NLGN4Y: variants seen among roughly 807,000 people sequenced by gnomAD.
The protein encoded by NLGN4Y is neuroligin 4 Y-linked.
A neutral mutation model predicts 8.4 loss-of-function variants in NLGN4Y; 4 were observed. That is an observed-to-expected ratio of 0.48 (90% CI 0.23 to 1.09). The LOEUF is 1.09. Ranked by LOEUF, NLGN4Y falls within the 50% of genes least tolerant of loss-of-function variation. The pLI is 0.19. For missense variants in NLGN4Y, 90 were observed against 192.3 expected (o/e 0.47, Z 3.15); for synonymous variants, 35 against 75.6 (o/e 0.46, Z 2.78).
rs756819982 is a variant in NLGN4Y, at chrY:14,681,789, C to A, written c.473-37670C>A. 9.2e-5 allele frequency among the ~76,000 whole-genome samples: 3 copies of A among 32,522 alleles called. No homozygotes were observed. The South Asian group carries it at 2.1e-3, about 23-fold the overall frequency. 87.3% of individuals were successfully genotyped at this position (32,522 alleles called of 37,273 possible). On this transcript the variant is annotated intron_variant, in intron 2 of 6. Coordinates refer to ENST00000684976, the MANE Select transcript of NLGN4Y (RefSeq NM_001365588.1). ...TTGTCCTTTCTTCTCCCATTTCAAC[C>A]AACCTGGCAGGGATTGACCTCAGTA...
chrY:14,789,381 C>G, intron 4 of NLGN4Y, among the ~76,000 whole-genome samples: 4 of 32,661 alleles, frequency 1.2e-4, no homozygotes, highest in African/African-American at 2.4e-4. Flanking sequence ...AATAATTTGT[C>G]TATTTATTTT....
At chrY:14,802,726 A>T in intron 4 of NLGN4Y, among the ~76,000 whole-genome samples, 2 of 23,096 alleles carry the variant, frequency 8.7e-5, no homozygotes, top group African/African-American at 1.7e-4. Flanking sequence ...TTTAAATATA[A>T]ATTATATATG....
chrY:14,825,500 T>G (rs2043141129), intron 5 of NLGN4Y, among the ~76,000 whole-genome samples: 1 of 29,975 alleles, frequency 3.3e-5, no homozygotes, highest in Non-Finnish European at 8.0e-5. Flanking sequence ...CCCTTCACAC[T>G]CTGTCTCTCT....
chrY:14,656,527 C>T, intron 2 of NLGN4Y, among the ~76,000 whole-genome samples: 5 of 28,634 alleles, frequency 1.7e-4, no homozygotes, highest in African/African-American at 2.8e-4. Flanking sequence ...TCTGAGTTTG[C>T]AGTGCCCCGA....
At chrY:14,599,075 A>C (rs2150497312) in intron 1 of NLGN4Y, among the ~76,000 whole-genome samples, 1 of 27,956 alleles carries the variant, frequency 3.6e-5, no homozygotes, top group East Asian at 8.7e-4. Context: ...GAATATAACA[A>C]AATATATATT....
intron 2 of NLGN4Y, chrY:14,639,120 C>T (rs113043120): frequency 0.13 from 11,659 of 90,434 alleles, no homozygotes; most frequent in Non-Finnish European, 0.21. Context: ...TAAAACACTT[C>T]GAAATCATTG....
At chrY:14,795,792 G>A (rs2043005547) in intron 4 of NLGN4Y, among the ~76,000 whole-genome samples, 1 of 32,482 alleles carries the variant, frequency 3.1e-5, no homozygotes, top group Non-Finnish European at 7.5e-5. Context: ...TTTTTCATTT[G>A]TCTGTTGTCT....
chrY:14,738,109 C>T (rs920203275), intron 4 of NLGN4Y, among the ~76,000 whole-genome samples: 1 of 32,361 alleles, frequency 3.1e-5, no homozygotes, highest in Non-Finnish European at 7.6e-5. Context: ...ATTTATGAAA[C>T]TTTAGGAAAA....
chrY:14,637,811 G>A, intron 2 of NLGN4Y, among the ~76,000 whole-genome samples: 1 of 29,415 alleles, frequency 3.4e-5, no homozygotes, highest in African/African-American at 1.3e-4. Flanking sequence ...AAGCTAATTG[G>A]TTTATAGTTT....
chrY:14,731,475 T>G, intron 4 of NLGN4Y, among the ~76,000 whole-genome samples: 1 of 33,097 alleles, frequency 3.0e-5, no homozygotes, highest in Non-Finnish European at 7.4e-5. Flanking sequence ...CTTTTTGACG[T>G]TTTTCAAAAT....
intron 6 of NLGN4Y, among the ~76,000 whole-genome samples, chrY:14,836,272 G>A: frequency 3.4e-4 from 11 of 32,640 alleles, no homozygotes. Context: ...TAAATGAGAA[G>A]CACCATCAAG....
chrY:14,748,413 T>A, intron 4 of NLGN4Y, among the ~76,000 whole-genome samples: 1 of 33,274 alleles, frequency 3.0e-5, no homozygotes, highest in Non-Finnish European at 7.4e-5. Flanking sequence ...GAATTATCAG[T>A]CCACAATAGA....
Position 14,844,795 on chromosome Y carries a change from C to T in NLGN4Y, c.*3533C>T, listed in dbSNP as rs2043240307. On this transcript the variant is annotated 3_prime_UTR_variant, in exon 7 of 7. Coordinates refer to ENST00000684976, the MANE Select transcript of NLGN4Y (RefSeq NM_001365588.1). ...ACATATGCATATATGTATATATGTA[C>T]ATGTATGTGTACATTATATATGAGT... 6.0e-5 allele frequency: 2 copies of T among 33,485 alleles called. No individual in the cohort carries two copies. The highest frequency in any genetic ancestry group is 1.2e-4 in the African/African-American group (1 of 8,600). The allele number at this position is 33,485 out of a possible 400,897, so 8.4% of individuals were successfully genotyped here. A position where few individuals can be genotyped will look rare whatever the true frequency, so the allele number is the denominator to read the frequency against.
chrY:14,773,258 C>T (rs2081112834), intron 4 of NLGN4Y, among the ~76,000 whole-genome samples: 1 of 33,373 alleles, frequency 3.0e-5, no homozygotes, highest in Non-Finnish European at 7.4e-5. Flanking sequence ...AAATCACAAA[C>T]ATTCCTGCAC....
chrY:14,567,219 ATTTTTTT>A (rs751311222), intron 1 of NLGN4Y, among the ~76,000 whole-genome samples: 3 of 13,209 alleles, frequency 2.3e-4, no homozygotes, highest in Non-Finnish European at 3.3e-4. Flanking sequence ...TTTGCTTTGA[ATTTTTTT>A]TTTTTTTTTT....
At chrY:14,631,284 C>T in intron 2 of NLGN4Y, among the ~76,000 whole-genome samples, 1 of 32,648 alleles carries the variant, frequency 3.1e-5, no homozygotes, top group Non-Finnish European at 7.5e-5. Context: ...TCTCAAACTG[C>T]TGACCTCAAG....
chrY:14,636,694 T>G (rs1005570295), intron 2 of NLGN4Y, among the ~76,000 whole-genome samples: 7 of 32,870 alleles, frequency 2.1e-4, no homozygotes, highest in African/African-American at 8.3e-4. Context: ...GACATTTACC[T>G]GGACATAAAT....
Position 14,824,332 on chromosome Y carries a change from C to A in NLGN4Y, c.830C>A (p.Ala277Asp). 1 of 398,386 alleles carries A rather than the reference C, an allele frequency of 2.5e-6. No individual in the cohort carries two copies. Among genetic ancestry groups the A allele is most frequent in the Non-Finnish European group, 3.5e-6 (1 of 283,469 alleles). Reference protein sequence around the residue: ...RVTIFGSGAGASCVSLLTLSH... With the variant: ...RVTIFGSGAGDSCVSLLTLSH... Reference sequence around the variant, plus strand: ...ACTATCTTTGGCTCGGGGGCTGGGGCCTCCTGTGTCAGCCTGTTGACCCTG... The same window carrying A: ...ACTATCTTTGGCTCGGGGGCTGGGGACTCCTGTGTCAGCCTGTTGACCCTG... Residue 277 changes from alanine to aspartate, a missense_variant, in exon 5 of 7, where the codon GCC becomes GAC. Physicochemically the swap from Ala to Asp is moderately radical, Grantham distance 126 (BLOSUM62 -2). Around this residue, in one of 4 missense-constraint regions of NLGN4Y, gnomAD observed 16 missense variants for 37.6 expected, o/e 0.43. Transcript: ENST00000684976.
At chrY:14,536,338 C>T (rs2080132909) in intron 1 of NLGN4Y, among the ~76,000 whole-genome samples, 1 of 26,396 alleles carries the variant, frequency 3.8e-5, no homozygotes, top group Non-Finnish European at 8.7e-5. Flanking sequence ...GCTCCGCCTC[C>T]CGGGTTCATG....
Sources: allele counts gnomAD v4.1 joint callset (sites outside exome capture counted in the v4.1 genomes callset), GRCh38; gene constraint gnomAD v4.1.1; regional missense constraint gnomAD v4.1.1; transcripts MANE v1.5; gene names NCBI Gene and HGNC (gene_info 2026-07-23, HGNC 2026-07-21).